Variants in CLIC5 observed in about 807,000 individuals in gnomAD.
CLIC5 encodes CLIC family member 5.
CLIC5 carries 20 observed loss-of-function variants against 24.7 expected under a neutral mutation model. That is an observed-to-expected ratio of 0.81 (90% CI 0.57 to 1.18). The LOEUF is 1.18. Among genes scored for constraint, CLIC5 ranks in the 50% most tolerant of loss-of-function variants. The probability of loss-of-function intolerance (pLI) is 0.00; values close to 1 mark genes in which losing one functional copy is unlikely to be tolerated. For missense variants in CLIC5, 341 were observed against 326.1 expected, an observed-to-expected ratio of 1.05 and a Z score of -0.35; for synonymous variants, 159 against 135.6, an observed-to-expected ratio of 1.17 and a Z score of -1.20.
chr6:46,022,904 G>A (rs1767224855), intron 1 of CLIC5, among the ~76,000 whole-genome samples: 1 of 152,090 alleles, frequency 6.6e-6, no homozygotes, highest in Admixed American at 6.5e-5. Context: ...ATTCCTTCCG[G>A]GATTGAGTTA....
chr6:46,032,539 C>A (rs1030443138), intron 1 of CLIC5, among the ~76,000 whole-genome samples: 2 of 152,206 alleles, frequency 1.3e-5, no homozygotes, highest in Non-Finnish European at 2.9e-5. Flanking sequence ...AAGGCCAAGG[C>A]ATGCCAGCAT....
chr6:45,885,679 G>T (rs1479930222), intron 6 of CLIC5, among the ~76,000 whole-genome samples: 2 of 152,178 alleles, frequency 1.3e-5, no homozygotes, highest in Non-Finnish European at 2.9e-5. Flanking sequence ...AAAAGGAAAG[G>T]CTGATTGATG....
chr6:46,086,091 G>C, the CLIC5 span, among the ~76,000 whole-genome samples: 1 of 152,320 alleles, frequency 6.6e-6, no homozygotes, highest in Non-Finnish European at 1.5e-5. Flanking sequence ...TTTTAAGCCC[G>C]TTGGAAAAGC....
intron 1 of CLIC5, among the ~76,000 whole-genome samples, chr6:45,985,903 C>T (rs181990555): frequency 1.3e-5 from 2 of 152,210 alleles, no homozygotes; most frequent in East Asian, 1.9e-4. Context: ...TCTCATAATT[C>T]CCACCTGTCA....
At chr6:45,890,703 A>G (rs1008858272) in intron 6 of CLIC5, among the ~76,000 whole-genome samples, 1 of 152,250 alleles carries the variant, frequency 6.6e-6, no homozygotes, top group Non-Finnish European at 1.5e-5. Flanking sequence ...AAGATGTAGT[A>G]TATAATCACA....
chr6:46,071,028 G>A (rs549348372), intron 1 of CLIC5, among the ~76,000 whole-genome samples: 2 of 152,276 alleles, frequency 1.3e-5, no homozygotes, highest in South Asian at 4.1e-4. Flanking sequence ...GCCATATGCA[G>A]AAGATTGAAA....
chr6:45,880,991 G>C (rs978716194), downstream of CLIC5: 3 of 395,694 alleles, frequency 7.6e-6, no homozygotes, highest in Non-Finnish European at 1.3e-5. Context: ...CGGGTGCAGG[G>C]AGAAATCCAG....
At chr6:46,046,998 A>C (rs1046137606) in intron 1 of CLIC5, among the ~76,000 whole-genome samples, 1 of 152,216 alleles carries the variant, frequency 6.6e-6, no homozygotes, top group Admixed American at 6.5e-5. Flanking sequence ...TCTCACTTTC[A>C]CTGCTCCCTT....
At chr6:45,911,716 T>G (rs1282856925) in intron 5 of CLIC5, 2 of 985,302 alleles carry the variant, frequency 2.0e-6, no homozygotes, top group Admixed American at 1.2e-4. Context: ...TATACTTCTA[T>G]TGATGTTGGT....
intron 1 of CLIC5, among the ~76,000 whole-genome samples, chr6:45,957,878 C>G (rs566807176): frequency 6.6e-6 from 1 of 152,068 alleles, no homozygotes; most frequent in Non-Finnish European, 1.5e-5. Flanking sequence ...AGAGAAGAAC[C>G]AGGTGGGGCT....
intron 4 of CLIC5, among the ~76,000 whole-genome samples, chr6:45,932,223 C>T (rs1000693930): frequency 9.2e-5 from 14 of 152,164 alleles, no homozygotes; most frequent in Admixed American, 7.2e-4. Flanking sequence ...AATTCTCCTG[C>T]CTCAACCTCT....
intron 4 of CLIC5, among the ~76,000 whole-genome samples, chr6:45,927,774 G>C (rs1462136973): frequency 6.6e-6 from 1 of 152,094 alleles, no homozygotes; most frequent in Non-Finnish European, 1.5e-5. Flanking sequence ...TGTGAAACTA[G>C]AATTCAAAGC....
At chr6:46,083,100 G>A (rs1374245118), upstream of CLIC5, among the ~76,000 whole-genome samples, 1 of 152,122 alleles carries the variant, frequency 6.6e-6, no homozygotes, top group Non-Finnish European at 1.5e-5. Flanking sequence ...ATTTTTTCAC[G>A]TTGCTATATA....
chr6:45,964,011 G>A (rs946145145), intron 1 of CLIC5, among the ~76,000 whole-genome samples: 4 of 152,072 alleles, frequency 2.6e-5, no homozygotes, highest in Admixed American at 1.3e-4. Flanking sequence ...AAGACTGATG[G>A]CCTTGGTATG....
chr6:45,935,171 G>A (rs1215365200), intron 4 of CLIC5, among the ~76,000 whole-genome samples: 1 of 152,216 alleles, frequency 6.6e-6, no homozygotes, highest in Non-Finnish European at 1.5e-5. Context: ...ATATTCAGAG[G>A]GAGAAGTCCA....
intron 1 of CLIC5, among the ~76,000 whole-genome samples, chr6:45,990,368 C>A (rs1357679159): frequency 6.6e-6 from 1 of 152,168 alleles, no homozygotes; most frequent in African/African-American, 2.4e-5. Flanking sequence ...AATATAACTG[C>A]CTGAACGAAA....
At chr6:45,999,293 T>C (rs1204120029) in intron 1 of CLIC5, among the ~76,000 whole-genome samples, 1 of 152,218 alleles carries the variant, frequency 6.6e-6, no homozygotes, top group Non-Finnish European at 1.5e-5. Flanking sequence ...TAATGCTCTA[T>C]TACTTGACAA....
the CLIC5 span, among the ~76,000 whole-genome samples, chr6:46,086,493 A>G: frequency 6.6e-6 from 1 of 152,224 alleles, no homozygotes; most frequent in Non-Finnish European, 1.5e-5. Context: ...TTAATGATGG[A>G]GAGTAATCCT....
At chr6:45,909,665 C>T (rs1009732453) in intron 5 of CLIC5, among the ~76,000 whole-genome samples, 8 of 152,184 alleles carry the variant, frequency 5.3e-5, no homozygotes, top group African/African-American at 1.7e-4. Flanking sequence ...GATGGGGTTC[C>T]ATTTGTATGT....
Sources: gnomAD v4.1 joint callset for allele counts (sites outside exome capture counted in the v4.1 genomes callset) on GRCh38, gnomAD v4.1.1 for gene constraint, MANE v1.5 for transcripts, NCBI Gene and HGNC (gene_info 2026-07-23, HGNC 2026-07-21) for gene names.